Variants in S100A2 observed in about 807,000 individuals in gnomAD.
S100A2 encodes S100 calcium binding protein A2.
Under a neutral mutation model 4.3 loss-of-function variants are expected in S100A2, and 5 were observed. That is an observed-to-expected ratio of 1.16 (90% confidence interval 0.61 to 2.44). S100A2 has a LOEUF of 2.44. Among genes scored for constraint, S100A2 ranks in the 30% most tolerant of loss-of-function variants. The probability of loss-of-function intolerance (pLI) is 0.01; values close to 1 mark genes in which losing one functional copy is unlikely to be tolerated. For synonymous variants in S100A2, 44 were observed against 46.0 expected, an observed-to-expected ratio of 0.96 and a Z score of 0.17; for missense variants, 103 against 114.7, an observed-to-expected ratio of 0.90 and a Z score of 0.47.
In S100A2 at chr1:153,563,509, C is replaced by A. The variant is rs540432200; in HGVS notation, c.144+225G>T. 2.5e-4 allele frequency: 386 copies of A among 1,550,798 alleles called. 4 individuals are homozygous for A. The South Asian group carries it at 4.3e-3, about 17-fold the overall frequency. On this transcript the variant is annotated intron_variant, in intron 2 of 2. Coordinates refer to ENST00000368708, the MANE Select transcript of S100A2 (RefSeq NM_005978.4). ...GGATTAAACAGATGGACTCGGAAGG[C>A]CCTCACAGCACATGGTTCTCTGGAA... is the stretch of plus-strand genomic sequence containing the variant.
intron 2 of S100A2, among the ~76,000 whole-genome samples, chr1:153,562,611 T>C (rs1665917687): frequency 6.6e-6 from 1 of 152,152 alleles, no homozygotes; most frequent in South Asian, 2.1e-4. Flanking sequence ...AAATTGAAGG[T>C]CGATGCATTT....
intron 1 of S100A2, chr1:153,564,158 C>A: frequency 2.7e-6 from 1 of 363,966 alleles, no homozygotes; most frequent in East Asian, 4.7e-5. Context: ...CCCCTGAGGG[C>A]AGGGCTCCCC....
At chr1:153,561,965 C>A (rs1257168555) in intron 2 of S100A2, among the ~76,000 whole-genome samples, 1 of 152,172 alleles carries the variant, frequency 6.6e-6, no homozygotes, top group East Asian at 1.9e-4. Context: ...CAGAAAAGAA[C>A]ACTTTTTATT....
chr1:153,563,813 CAGG>C lies in S100A2; in HGVS notation c.62_64del (p.Ser21del), dbSNP rs1301842211. 15 of 1,614,210 alleles carry C rather than the reference CAGG, an allele frequency of 9.3e-6. No individual in the cohort carries two copies. The highest frequency in any genetic ancestry group is 1.3e-5 in the Non-Finnish European group (15 of 1,180,038). On this transcript the variant is annotated inframe_deletion, in exon 2 of 3. Coordinates refer to ENST00000368708, the MANE Select transcript of S100A2 (RefSeq NM_005978.4). Reference sequence around the variant, plus strand: ...CAGCTTGAACTTGTCGCCCTCTTGGCAGGAGTACTTGTGGAAGGTAGTGACCAG... The same window carrying C: ...CAGCTTGAACTTGTCGCCCTCTTGGCAGTACTTGTGGAAGGTAGTGACCAG...
At position 153,561,450 on chromosome 1, in the gene S100A2, C is replaced by T; in HGVS notation, c.286G>A (p.Asp96Asn). 1 of 1,613,402 alleles carries T rather than the reference C, an allele frequency of 6.2e-7. No homozygotes were observed. Among genetic ancestry groups the T allele is most frequent in the Non-Finnish European group, 8.5e-7 (1 of 1,179,376 alleles). ...TCAAGAGTTCTGCTTCAGGGTCGGT[C>T]TGGGCAGCCCTGGAAGAAGTCATTG... The part of the protein sequence containing the change: ...MCNDFFQGCP[D>N]RP The change falls in exon 3 of 3, where the codon GAC (aspartate) becomes AAC (asparagine). Residue 96 changes from aspartate (D) to asparagine (N), a missense_variant. Transcript: ENST00000368708.
Position 153,563,935 on chromosome 1 carries a change from T to G in S100A2, c.-10-48A>C, listed in dbSNP as rs559602203. The G allele has an allele frequency of 6.2e-5, 98 of 1,579,086 alleles. No individual in the cohort carries two copies. In the African/African-American group the frequency reaches 1.0e-3, roughly 16 times the overall value. ...GTACACTGCTGAGGCTCTTGGGGCC[T>G]TAGCTCAGCCTGTAGGATCCACTTC... is the stretch of plus-strand genomic sequence containing the variant. On this transcript the variant is annotated intron_variant, in intron 1 of 2. Coordinates refer to ENST00000368708, the MANE Select transcript of S100A2 (RefSeq NM_005978.4).
chr1:153,563,485 G>A, intron 2 of S100A2: 2 of 1,550,624 alleles, frequency 1.3e-6, no homozygotes, highest in South Asian at 1.2e-5. Flanking sequence ...CCAATGACAG[G>A]ATTAAACAGA....
At chr1:153,563,434 G>A in intron 2 of S100A2, 1 of 1,550,496 alleles carries the variant, frequency 6.4e-7, no homozygotes, top group East Asian at 2.4e-5. Context: ...GTGATCTTGG[G>A]ACAATCACTT....
intron 2 of S100A2, among the ~76,000 whole-genome samples, chr1:153,562,821 T>C (rs1665922570): frequency 6.6e-6 from 1 of 151,812 alleles, no homozygotes; most frequent in African/African-American, 2.4e-5. Flanking sequence ...CAAGACTCCA[T>C]CTCTACAAAA....
chr1:153,561,328 G>C lies in S100A2; in HGVS notation c.*111C>G. 4 of 1,338,616 alleles carry C rather than the reference G, an allele frequency of 3.0e-6. No individual in the cohort carries two copies. The Admixed American group carries it at 8.5e-5, about 28-fold the overall frequency. The allele number at this position is 1,338,616 out of a possible 1,614,324, so 82.9% of individuals were successfully genotyped here. ...GCCAGCCGGGTTATGGAACATCACT[G>C]AGCAATTAAAATATTATCAACAGAC... On this transcript the variant is annotated 3_prime_UTR_variant, in exon 3 of 3. Transcript: ENST00000368708.
intron 2 of S100A2, 63 bp downstream of exon 2, chr1:153,563,669 GGA>G (rs1665944626): frequency 6.3e-7 from 1 of 1,590,292 alleles, no homozygotes; most frequent in Non-Finnish European, 8.6e-7. Flanking sequence ...CGGAACTGGG[GGA>G]GAGATTTAAC....
At chr1:153,565,289 G>C (rs1665983856) in intron 1 of S100A2, among the ~76,000 whole-genome samples, 1 of 140,380 alleles carries the variant, frequency 7.1e-6, no homozygotes. Flanking sequence ...TCCAGCCTGG[G>C]CGACAGAGCG....
chr1:153,564,080 G>A (rs1254992696), intron 1 of S100A2, 193 bp from the exon 2 acceptor site: 1 of 550,622 alleles, frequency 1.8e-6, no homozygotes, highest in Non-Finnish European at 3.1e-6. Context: ...CTCACCCTGA[G>A]GGCAGACGCT....
chr1:153,563,898 G>A lies in S100A2; in HGVS notation c.-10-11C>T, dbSNP rs199540195. 1.6e-5 allele frequency: 26 copies of A among 1,612,288 alleles called. No individual in the cohort carries two copies. The East Asian group carries it at 5.6e-4, about 35-fold the overall frequency. ...ATCATGGATCTGTGGCTGCAGAGGT[G>A]CCAGGTGATGGGTACACTGCTGAGG... On this transcript the variant is annotated splice_polypyrimidine_tract_variant and intron_variant, in intron 1 of 2. Transcript: ENST00000368708.
intron 2 of S100A2, among the ~76,000 whole-genome samples, chr1:153,562,802 A>G (rs768572618): frequency 6.6e-6 from 1 of 151,752 alleles, no homozygotes; most frequent in Non-Finnish European, 1.5e-5. Context: ...CCCAGCCTGG[A>G]CAACATAGCA....
At chr1:153,563,625 G>C (rs1206568201) in intron 2 of S100A2, 109 bp downstream of exon 2, 8 of 1,571,666 alleles carry the variant, frequency 5.1e-6, no homozygotes, top group Admixed American at 1.8e-5. Context: ...GGAGGGGGCT[G>C]GGCCCCACCC....
chr1:153,563,372 C>CAAAAAAA, intron 2 of S100A2: 1 of 1,281,016 alleles, frequency 7.8e-7, no homozygotes, highest in Non-Finnish European at 1.0e-6. Flanking sequence ...AACTCCATCT[C>CAAAAAAA]AAAAAAAAAA....
intron 2 of S100A2, 171 bp downstream of exon 2, chr1:153,563,563 A>G: frequency 6.4e-7 from 1 of 1,551,002 alleles, no homozygotes; most frequent in Non-Finnish European, 8.7e-7. Context: ...TTAATTAAGC[A>G]CTCCCACTCG....
chr1:153,564,787 A>G (rs534318855), intron 1 of S100A2, among the ~76,000 whole-genome samples: 57 of 134,240 alleles, frequency 4.2e-4, no homozygotes, highest in Admixed American at 1.2e-3. Context: ...GCTTGGGGCC[A>G]TGACCCAGGC....
Sources: gnomAD v4.1 joint callset for allele counts (sites outside exome capture counted in the v4.1 genomes callset) on GRCh38, gnomAD v4.1.1 for gene constraint, MANE v1.5 for transcripts, NCBI Gene and HGNC (gene_info 2026-07-23, HGNC 2026-07-21) for gene names.